The following KIAA0513 variants were observed in gnomAD, a reference collection of about 807,000 sequenced individuals.
KIAA0513 encodes KIAA0513, also known as uncharacterized protein KIAA0513.
In KIAA0513, 39 loss-of-function variants were observed where a neutral mutation model predicts 56.5. That is an observed-to-expected ratio of 0.69 (90% CI 0.53 to 0.90). The LOEUF (loss-of-function observed/expected upper bound fraction) is 0.90, where lower values mean the gene tolerates loss of function less well. Among genes scored for constraint, KIAA0513 ranks in the 40% least tolerant of loss-of-function variants. The pLI is 0.00. For synonymous variants in KIAA0513, 268 were observed against 215.6 expected (o/e 1.24, Z -2.13); for missense variants, 591 against 535.2 (o/e 1.10, Z -1.03).
At chr16:85,070,506 C>T (rs550767020) in intron 2 of KIAA0513, among the ~76,000 whole-genome samples, 17 of 152,066 alleles carry the variant, frequency 1.1e-4, no homozygotes, top group Admixed American at 2.0e-4. Context: ...GATGAAACCC[C>T]GTCTCTACTA....
intron 10 of KIAA0513, among the ~76,000 whole-genome samples, chr16:85,084,404 C>T (rs2073783999): frequency 1.4e-5 from 2 of 146,904 alleles, no homozygotes; most frequent in South Asian, 2.2e-4. Context: ...CGCCACCACA[C>T]GTGGCTAATT....
At chr16:85,049,726 C>G (rs2073222497) in intron 1 of KIAA0513, among the ~76,000 whole-genome samples, 1 of 152,158 alleles carries the variant, frequency 6.6e-6, no homozygotes, top group Admixed American at 6.5e-5. Context: ...TGCTTCCTGC[C>G]CAGCCTGTAG....
In KIAA0513 at chr16:85,088,463, G is replaced by A. The variant is rs532801307; in HGVS notation, c.*138G>A. 37 of 680,222 alleles carry A rather than the reference G, an allele frequency of 5.4e-5. No homozygotes were observed. The highest frequency in any genetic ancestry group is 2.4e-4 in the East Asian group (9 of 37,070). The allele number at this position is 680,222 out of a possible 1,614,324, so 42.1% of individuals were successfully genotyped here. ...CCACTCCTGCTGCCCTAGAACTAGC[G>A]GTTAGAAGAATCCGCTGTTCCTCCC... On this transcript the variant is annotated 3_prime_UTR_variant, in exon 13 of 13. Coordinates refer to ENST00000683363, the MANE Select transcript of KIAA0513 (RefSeq NM_001388359.1).
chr16:85,089,948 C>T lies in KIAA0513; in HGVS notation c.*1623C>T, dbSNP rs1021362864. The T allele has an allele frequency of 3.9e-5, 6 of 152,062 alleles. No individual in the cohort carries two copies. Among genetic ancestry groups the T allele is most frequent in the African/African-American group, 1.2e-4 (5 of 41,382 alleles). 9.4% of individuals were successfully genotyped at this position (152,062 alleles called of 1,614,324 possible). On this transcript the variant is annotated 3_prime_UTR_variant, in exon 13 of 13. Transcript: ENST00000683363. This position sits in a 1 kb window ranked among gnomAD's most constrained non-coding sequence, Gnocchi z 4.2. Reference sequence around the variant, plus strand: ...CTGCCAGACTGCAGAACGGGGGAGCCGGGGCTCAGGGCCCCTGACTGCATG... The same window carrying T: ...CTGCCAGACTGCAGAACGGGGGAGCTGGGGCTCAGGGCCCCTGACTGCATG...
rs1182402707 is a variant in KIAA0513 at position 85,081,394 on chromosome 16, T to TAGG, written c.980+5_980+7dup. On this transcript the variant is annotated splice_region_variant and intron_variant, in intron 9 of 12. Transcript: ENST00000683363. This position sits in a 1 kb window ranked among gnomAD's most constrained non-coding sequence, Gnocchi z 4.4. ...GACAAAGCGATCTCCCACTACCAGG[T>TAGG]AGGAGCAAAGTGTGGCCCCATTTGG... 6.4e-7 allele frequency: 1 copy of TAGG among 1,560,242 alleles called. No individual in the cohort carries two copies. The highest frequency in any genetic ancestry group is 8.7e-7 in the Non-Finnish European group (1 of 1,151,608).
chr16:85,073,773 C>T (rs1450131997), intron 4 of KIAA0513, among the ~76,000 whole-genome samples: 1 of 152,184 alleles, frequency 6.6e-6, no homozygotes, highest in Non-Finnish European at 1.5e-5. Context: ...TCCTCGTCTC[C>T]TGCAGAAGGC....
rs542627001 is a variant in KIAA0513, at chr16:85,086,760, G to A, written c.1091+36G>A. ...GAGTGGGAAAGCGGGAGGGGAGAGG[G>A]GGGAGGGCCCACCCTGTGAGCTGTC... On this transcript the variant is annotated intron_variant, in intron 11 of 12. Coordinates refer to ENST00000683363, the MANE Select transcript of KIAA0513 (RefSeq NM_001388359.1). The A allele has an allele frequency of 4.2e-5, 65 of 1,566,236 alleles. No individual in the cohort carries two copies. The East Asian group carries it at 1.4e-3, about 34-fold the overall frequency.
At chr16:85,071,740 G>GA in intron 2 of KIAA0513, 43 bp from the exon 3 acceptor site, 2 of 1,396,884 alleles carry the variant, frequency 1.4e-6, no homozygotes, top group African/African-American at 1.6e-5. Flanking sequence ...GGATTGAAAA[G>GA]GGTTTTTTTT....
intron 6 of KIAA0513, among the ~76,000 whole-genome samples, 180 bp downstream of exon 6, chr16:85,077,812 C>A (rs1169015130): frequency 1.3e-5 from 2 of 152,194 alleles, no homozygotes; most frequent in African/African-American, 2.4e-5. Flanking sequence ...GCCCCCCCCA[C>A]TGACATGCAG....
At position 85,042,429 on chromosome 16, in the gene KIAA0513, T is replaced by C. The variant is rs75374308; in HGVS notation, c.-173+14571T>C. Among the ~76,000 whole-genome samples, 112 of 152,260 alleles carry C rather than the reference T, an allele frequency of 7.4e-4. 1 individual carries two copies. Among genetic ancestry groups the C allele is most frequent in the East Asian group, 5.2e-3 (27 of 5,178 alleles). ...CTTATTCATCCCCCAGATGAGCAAA[T>C]AGGGGGCAGGGTCCTTGTCCATACC... On this transcript the variant is annotated intron_variant, in intron 1 of 12. Coordinates refer to ENST00000683363, the MANE Select transcript of KIAA0513 (RefSeq NM_001388359.1).
intron 1 of KIAA0513, among the ~76,000 whole-genome samples, chr16:85,059,468 C>A (rs972653554): frequency 9.2e-5 from 14 of 152,174 alleles, no homozygotes; most frequent in Admixed American, 6.6e-4. Flanking sequence ...GAGGCAGTAT[C>A]CAGCTAAGGT....
rs2073846093 is a variant in KIAA0513 at position 85,089,471 on chromosome 16, C to T, written c.*1146C>T. 1 of 152,816 alleles carries T rather than the reference C, an allele frequency of 6.5e-6. No homozygotes were observed. The highest frequency in any genetic ancestry group is 1.5e-5 in the Non-Finnish European group (1 of 68,424). The allele number at this position is 152,816 out of a possible 1,614,324, so 9.5% of individuals were successfully genotyped here. A position where few individuals can be genotyped will look rare whatever the true frequency, so the allele number is the denominator to read the frequency against. The stretch of plus-strand genomic sequence containing the variant: ...GCCCTTCTCTTCTGTGGGTCTGTAC[C>T]AGGTACTCCAGGCCAGCCCATGGGC... On this transcript the variant is annotated 3_prime_UTR_variant, in exon 13 of 13. Coordinates refer to ENST00000683363, the MANE Select transcript of KIAA0513 (RefSeq NM_001388359.1). This position sits in a 1 kb window ranked among gnomAD's most constrained non-coding sequence, Gnocchi z 4.2.
intron 1 of KIAA0513, among the ~76,000 whole-genome samples, chr16:85,043,094 G>A (rs185569856): frequency 1.6e-3 from 243 of 152,208 alleles, no homozygotes; most frequent in Non-Finnish European, 3.0e-3. Flanking sequence ...GGCACAAACC[G>A]AAATACAATT....
Position 85,083,126 on chromosome 16 carries a change from G to A in KIAA0513, c.1010+533G>A, listed in dbSNP as rs150666556. 4.5e-4 allele frequency among the ~76,000 whole-genome samples: 69 copies of A among 152,318 alleles called. 1 individual carries two copies. Among genetic ancestry groups the A allele is most frequent in the African/African-American group, 1.5e-3 (62 of 41,572 alleles). ...GGGGCCGCCAGTTTGAGGGAGGCAC[G>A]GAAGAAGGACACACTCCCACTTTCC... is the stretch of plus-strand genomic sequence containing the variant. On this transcript the variant is annotated intron_variant, in intron 10 of 12. Transcript: ENST00000683363.
chr16:85,033,179 G>A (rs1052170017), intron 1 of KIAA0513, among the ~76,000 whole-genome samples: 1 of 152,138 alleles, frequency 6.6e-6, no homozygotes, highest in African/African-American at 2.4e-5. Flanking sequence ...AGTACTGACC[G>A]TTGTGCTTCA....
rs2073857321 is a variant in KIAA0513 at position 85,090,549 on chromosome 16, A to G, written c.*2224A>G. 6.6e-6 allele frequency: 1 copy of G among 152,202 alleles called. No homozygotes were observed. The highest frequency in any genetic ancestry group is 2.1e-4 in the South Asian group (1 of 4,828). 9.4% of individuals were successfully genotyped at this position (152,202 alleles called of 1,614,324 possible). A position where few individuals can be genotyped will look rare whatever the true frequency, so the allele number is the denominator to read the frequency against. ...CTTTAACTTCAGAAATGGTCTTGAC[A>G]CTTTTTTCTCCACATAGACTCTTGA... On this transcript the variant is annotated 3_prime_UTR_variant, in exon 13 of 13. Transcript: ENST00000683363.
chr16:85,073,042 T>C, intron 4 of KIAA0513, 44 bp downstream of exon 4: 1 of 1,520,626 alleles, frequency 6.6e-7, no homozygotes, highest in Non-Finnish European at 9.1e-7. Flanking sequence ...GGCAAGCTCC[T>C]CTTCCCTCCC....
chr16:85,086,789 C>A, intron 11 of KIAA0513, 65 bp downstream of exon 11: 1 of 1,380,540 alleles, frequency 7.2e-7, no homozygotes, highest in Non-Finnish European at 1.0e-6. Context: ...AGCTGTCACA[C>A]CTGGTATCAC....
chr16:85,041,722 G>A (rs575304703), intron 1 of KIAA0513, among the ~76,000 whole-genome samples: 1 of 152,294 alleles, frequency 6.6e-6, no homozygotes, highest in East Asian at 1.9e-4. Flanking sequence ...TTGGCACTGA[G>A]CAGAGAGGTG....
Sources: gnomAD v4.1 joint callset for allele counts (sites outside exome capture counted in the v4.1 genomes callset) on GRCh38, gnomAD v4.1.1 for gene constraint, Gnocchi (gnomAD v3.1) non-coding constraint, MANE v1.5 for transcripts, NCBI Gene and HGNC (gene_info 2026-07-23, HGNC 2026-07-21) for gene names.